EPHB1: variants seen among roughly 807,000 people sequenced by gnomAD.
EPHB1 encodes ephrin type-B receptor 1.
EPHB1 carries 30 observed loss-of-function variants against 94.4 expected under a neutral mutation model. The ratio of observed to expected loss-of-function variants is 0.32; its 90% CI spans 0.24 to 0.43. The LOEUF is 0.43. Ranked by LOEUF, EPHB1 falls within the 20% of genes least tolerant of loss-of-function variation. The probability of loss-of-function intolerance (pLI) is 1.00; values close to 1 mark genes in which losing one functional copy is unlikely to be tolerated. For synonymous variants in EPHB1, 522 were observed against 489.1 expected (o/e 1.07, Z -0.89); for missense variants, 1,055 against 1,308.3 (o/e 0.81, Z 2.99).
In EPHB1 at chr3:135,249,447, T is replaced by C. The variant is rs1156548257; in HGVS notation, c.2802T>C (p.Thr934=). The change falls in exon 15 of 16, where the codon ACT becomes ACC. Residue 934 remains threonine, a synonymous_variant. Transcript: ENST00000398015. ...TCCAGTACAGGGACAGCTTCCTCACTGCTGGCTTCACCTCCCTCCAGCTGG... is the reference window on the plus strand; with the variant it reads ...TCCAGTACAGGGACAGCTTCCTCACCGCTGGCTTCACCTCCCTCCAGCTGG... ...KMVQYRDSFL[T]AGFTSLQLVT... The C allele has an allele frequency of 1.9e-6, 3 of 1,613,904 alleles. No homozygotes were observed. Among genetic ancestry groups the C allele is most frequent in the Non-Finnish European group, 1.7e-6 (2 of 1,179,888 alleles).
intron 4 of EPHB1, among the ~76,000 whole-genome samples, chr3:135,126,662 G>A (rs1940221943): frequency 6.6e-6 from 1 of 152,210 alleles, no homozygotes; most frequent in Non-Finnish European, 1.5e-5. Context: ...AGACTCCAAG[G>A]TGTTTCTGTG....
intron 15 of EPHB1, among the ~76,000 whole-genome samples, chr3:135,251,124 C>G (rs113061828): frequency 0.039 from 5,885 of 151,802 alleles, 377 homozygotes; most frequent in African/African-American, 0.13. Context: ...GTCTAGCTTT[C>G]GATCCACTGA....
chr3:135,131,584 C>A (rs1039346267), intron 4 of EPHB1, among the ~76,000 whole-genome samples: 5 of 152,196 alleles, frequency 3.3e-5, no homozygotes, highest in Non-Finnish European at 5.9e-5. Flanking sequence ...GCTTGGGAAC[C>A]TGAGGCTATG....
intron 12 of EPHB1, among the ~76,000 whole-genome samples, chr3:135,236,723 T>C (rs1156731166): frequency 1.3e-5 from 2 of 152,166 alleles, no homozygotes; most frequent in Non-Finnish European, 2.9e-5. Flanking sequence ...GGTGAACAAG[T>C]CCATGAACAC....
At chr3:134,940,125 T>C (rs62270320) in intron 2 of EPHB1, among the ~76,000 whole-genome samples, 18,687 of 152,130 alleles carry the variant, frequency 0.12, 1,250 homozygotes, top group African/African-American at 0.15. Flanking sequence ...GAGAGGGAGT[T>C]TAGCCTTTTA....
intron 15 of EPHB1, among the ~76,000 whole-genome samples, chr3:135,257,381 A>G (rs887584103): frequency 3.5e-4 from 53 of 151,906 alleles, no homozygotes; most frequent in African/African-American, 1.2e-3. Context: ...ATGGTGATGT[A>G]CAGATGGGTT....
chr3:134,909,061 A>G (rs2038397814), intron 1 of EPHB1, among the ~76,000 whole-genome samples: 1 of 137,004 alleles, frequency 7.3e-6, no homozygotes, highest in African/African-American at 2.8e-5. Context: ...TGGAGCATAT[A>G]GAGCTCAGCA....
chr3:134,937,662 G>T (rs2039030451), intron 2 of EPHB1, among the ~76,000 whole-genome samples: 1 of 152,222 alleles, frequency 6.6e-6, no homozygotes, highest in African/African-American at 2.4e-5. Context: ...AATGCCATCA[G>T]TCTCTCCCAG....
chr3:135,104,598 C>T (rs1939143980), intron 3 of EPHB1, among the ~76,000 whole-genome samples: 1 of 152,120 alleles, frequency 6.6e-6, no homozygotes, highest in South Asian at 2.1e-4. Flanking sequence ...AGTAAGGCTT[C>T]TTGGTGAAAA....
chr3:134,796,088 C>T (rs556404684), intron 1 of EPHB1: 320 of 274,440 alleles, frequency 1.2e-3, no homozygotes, highest in Non-Finnish European at 1.8e-3. Flanking sequence ...GGAGTACTGG[C>T]GCCCGTCTGC....
intron 5 of EPHB1, among the ~76,000 whole-genome samples, chr3:135,150,805 A>G (rs1559852311): frequency 6.6e-6 from 1 of 152,188 alleles, no homozygotes; most frequent in African/African-American, 2.4e-5. Context: ...TTGGTCTCCA[A>G]CATGGACCTT....
rs180841077 is a variant in EPHB1, at chr3:134,850,510, C to G, written c.58+54821C>G. Among the ~76,000 whole-genome samples, 346 of 152,330 alleles carry G rather than the reference C, an allele frequency of 2.3e-3. 1 individual carries two copies. Among genetic ancestry groups the G allele is most frequent in the Non-Finnish European group, 3.9e-3 (265 of 68,034 alleles). Reference sequence around the variant, plus strand: ...GCCTGAGGGAAATGGGGCTTCAAGGCCCACAGGGATGGGGACTTGACCTCA... The same window carrying G: ...GCCTGAGGGAAATGGGGCTTCAAGGGCCACAGGGATGGGGACTTGACCTCA... On this transcript the variant is annotated intron_variant, in intron 1 of 15. Coordinates refer to ENST00000398015, the MANE Select transcript of EPHB1 (RefSeq NM_004441.5).
intron 3 of EPHB1, among the ~76,000 whole-genome samples, chr3:135,070,704 A>G (rs1937676842): frequency 6.6e-6 from 1 of 152,238 alleles, no homozygotes; most frequent in Admixed American, 6.5e-5. Flanking sequence ...TTTATACTTC[A>G]TTAATAATTT....
intron 2 of EPHB1, among the ~76,000 whole-genome samples, chr3:134,935,603 A>G (rs990432551): frequency 5.3e-5 from 8 of 151,926 alleles, no homozygotes; most frequent in Admixed American, 5.2e-4. Context: ...TTGGGATTAC[A>G]TTGTGTTTAC....
At chr3:135,077,780 T>A (rs949862338) in intron 3 of EPHB1, among the ~76,000 whole-genome samples, 4 of 152,168 alleles carry the variant, frequency 2.6e-5, no homozygotes, top group Non-Finnish European at 5.9e-5. Context: ...AGTAGGAAGC[T>A]CAGGAGCTGC....
chr3:135,210,718 A>G (rs1241642112), intron 12 of EPHB1, among the ~76,000 whole-genome samples: 3 of 152,156 alleles, frequency 2.0e-5, no homozygotes, highest in Admixed American at 6.5e-5. Flanking sequence ...TGGCCCTTCC[A>G]TCTCGTTCTC....
intron 1 of EPHB1, among the ~76,000 whole-genome samples, chr3:134,924,929 G>T (rs2038760356): frequency 6.6e-6 from 1 of 152,220 alleles, no homozygotes; most frequent in Non-Finnish European, 1.5e-5. Flanking sequence ...GCAGGAGGAA[G>T]AAAAGGATTA....
At chr3:134,857,440 G>A (rs986369510) in intron 1 of EPHB1, among the ~76,000 whole-genome samples, 14 of 152,126 alleles carry the variant, frequency 9.2e-5, no homozygotes, top group African/African-American at 3.1e-4. Flanking sequence ...TTTTTCACCA[G>A]GACGCGTATG....
At chr3:135,080,065 G>A (rs1042832699) in intron 3 of EPHB1, among the ~76,000 whole-genome samples, 1 of 152,108 alleles carries the variant, frequency 6.6e-6, no homozygotes, top group African/African-American at 2.4e-5. Context: ...ATGAGGGATG[G>A]GCTAATGTTC....
Sources: gnomAD v4.1 joint callset for allele counts (sites outside exome capture counted in the v4.1 genomes callset) on GRCh38, gnomAD v4.1.1 for gene constraint, MANE v1.5 for transcripts, NCBI Gene and HGNC (gene_info 2026-07-23, HGNC 2026-07-21) for gene names.